EPB41L2: variants seen among roughly 807,000 people sequenced by gnomAD.
The protein encoded by EPB41L2 is erythrocyte membrane protein band 4.1 like 2.
A neutral mutation model predicts 113.0 loss-of-function variants in EPB41L2; 43 were observed. The ratio of observed to expected loss-of-function variants is 0.38; its 90% confidence interval spans 0.30 to 0.49. The LOEUF (loss-of-function observed/expected upper bound fraction) is 0.49. EPB41L2 is among the 20% of genes least tolerant of loss of function. EPB41L2 has a pLI of 0.95. For synonymous variants in EPB41L2, 442 were observed against 436.7 expected, an observed-to-expected ratio of 1.01 and a Z score of -0.15; for missense variants, 1,147 against 1,223.4, an observed-to-expected ratio of 0.94 and a Z score of 0.93.
At chr6:130,908,961 A>C (rs1798518172) in intron 4 of EPB41L2, 98 bp from the exon 5 acceptor site, 1 of 992,330 alleles carries the variant, frequency 1.0e-6, no homozygotes, top group East Asian at 2.5e-5. Context: ...AACACATTTT[A>C]ATAAAGTATT....
rs773140018 is a variant in EPB41L2, at chr6:130,955,209, C to T, written c.601G>A (p.Glu201Lys). ...KRETKEVQTN[E>K]LKAEKASQKV... is the part of the protein sequence containing the mutation. ...TGAGATGCCTTCTCTGCTTTCAGCT[C>T]ATTGGTCTGCACTTCCTTGGTCTCC... Residue 201 changes from glutamate to lysine, a missense_variant, in exon 3 of 20, where the codon GAG becomes AAG. Transcript: ENST00000337057. The T allele has an allele frequency of 6.2e-7, 1 of 1,614,156 alleles. No individual in the cohort carries two copies. Among genetic ancestry groups the T allele is most frequent in the South Asian group, 1.1e-5 (1 of 91,070 alleles).
chr6:130,839,790 T>C lies in EPB41L2; in HGVS notation c.*814A>G, dbSNP rs1032738875. 3.9e-5 allele frequency: 6 copies of C among 152,258 alleles called. No homozygotes were observed. Among genetic ancestry groups the C allele is most frequent in the Non-Finnish European group, 7.3e-5 (5 of 68,048 alleles). 9.4% of individuals were successfully genotyped at this position (152,258 alleles called of 1,614,324 possible). ...GTTTTAAGCTGCCTGAATCTTTTAG[T>C]AGAAGGGAAGAAAGTTTTCTCTTTC... On this transcript the variant is annotated 3_prime_UTR_variant, in exon 20 of 20. Transcript: ENST00000337057.
rs1775069204 is a variant in EPB41L2 at position 130,840,284 on chromosome 6, T to C, written c.*320A>G. ...ACTGTCATTTGATCAAAGTGAGTCA[T>C]TAAAAGCAGGTAGTTGCACACAAAG... On this transcript the variant is annotated 3_prime_UTR_variant, in exon 20 of 20. Coordinates refer to ENST00000337057, the MANE Select transcript of EPB41L2 (RefSeq NM_001431.4). The C allele has an allele frequency of 6.6e-6, 1 of 152,546 alleles. No homozygotes were observed. 9.4% of individuals were successfully genotyped at this position (152,546 alleles called of 1,614,324 possible). A position where few individuals can be genotyped will look rare whatever the true frequency, so the allele number is the denominator to read the frequency against.
chr6:130,911,933 G>A lies in EPB41L2; in HGVS notation c.811-3070C>T, dbSNP rs117588855. The stretch of plus-strand genomic sequence containing the variant: ...CCCATCCCACGGACTGGTACCGATC[G>A]TGGCCTATTAGGAACTGGGCTGCAC... On this transcript the variant is annotated intron_variant, in intron 4 of 19. Transcript: ENST00000337057. 7.2e-3 allele frequency among the ~76,000 whole-genome samples: 1,097 copies of A among 152,174 alleles called. 12 individuals are homozygous for A. The highest frequency in any genetic ancestry group is 0.025 in the Admixed American group (379 of 15,284).
At chr6:130,990,959 T>C (rs1781717701) in intron 1 of EPB41L2, among the ~76,000 whole-genome samples, 1 of 151,944 alleles carries the variant, frequency 6.6e-6, no homozygotes, top group Admixed American at 6.6e-5. Flanking sequence ...CCCAAGTAGC[T>C]GGGACTACAG....
At position 131,032,935 on chromosome 6, in the gene EPB41L2, G is replaced by A. The variant is rs536549144; in HGVS notation, c.-15+30220C>T. On this transcript the variant is annotated intron_variant, in intron 1 of 19. Transcript: ENST00000337057. ...ATCCCAGCACTTTGGGAGTGCAGTG[G>A]CACAATCTCAGCTTACTGCAACCTC... 3.3e-5 allele frequency among the ~76,000 whole-genome samples: 5 copies of A among 152,300 alleles called. No individual in the cohort carries two copies. In the South Asian group the frequency reaches 8.3e-4, roughly 25 times the overall value.
intron 2 of EPB41L2, 108 bp downstream of exon 2, chr6:130,955,886 A>AT (rs1161824596): frequency 3.3e-6 from 5 of 1,497,916 alleles, no homozygotes; most frequent in Non-Finnish European, 4.4e-6. Context: ...AAGCTAAAGC[A>AT]GTATCTCAGT....
chr6:130,999,033 T>C (rs1354494975), intron 1 of EPB41L2, among the ~76,000 whole-genome samples: 4 of 152,098 alleles, frequency 2.6e-5, no homozygotes, highest in Non-Finnish European at 4.4e-5. Flanking sequence ...CCAGGCTCAA[T>C]CCTCAAGCCT....
intron 12 of EPB41L2, among the ~76,000 whole-genome samples, chr6:130,884,597 T>C (rs1353419884): frequency 6.6e-6 from 1 of 152,226 alleles, no homozygotes; most frequent in African/African-American, 2.4e-5. Context: ...ACGCACAAGA[T>C]AAAGCCAAAA....
chr6:130,954,036 CTTTCTTTTTTTTTTTT>C lies in EPB41L2; in HGVS notation c.705+1053_705+1068del, dbSNP rs1478768636. Among the ~76,000 whole-genome samples the C allele has an allele frequency of 2.4e-3, 107 of 45,522 alleles. 1 individual carries two copies. Among genetic ancestry groups the C allele is most frequent in the African/African-American group, 5.8e-3 (100 of 17,178 alleles). 29.9% of individuals were successfully genotyped at this position (45,522 alleles called of 152,430 possible). Reference sequence around the variant, plus strand: ...TTAATCCTCTTTTGCTAGTCCTTTTCTTTCTTTTTTTTTTTTTTTTTTTTTTTTTTTTTTGAGACGG... The same window carrying C: ...TTAATCCTCTTTTGCTAGTCCTTTTCTTTTTTTTTTTTTTTTTTGAGACGG... On this transcript the variant is annotated intron_variant, in intron 3 of 19. Transcript: ENST00000337057.
intron 5 of EPB41L2, 109 bp downstream of exon 5, chr6:130,908,711 TA>T: frequency 1.3e-6 from 1 of 763,932 alleles, no homozygotes; most frequent in Non-Finnish European, 2.1e-6. Flanking sequence ...TATTAACTTC[TA>T]AGATGGCATA....
intron 17 of EPB41L2, among the ~76,000 whole-genome samples, chr6:130,864,391 AC>A (rs1407056362): frequency 1.3e-5 from 2 of 152,234 alleles, no homozygotes. Flanking sequence ...ATTTGATGAC[AC>A]CCTGCGTAAG....
At chr6:131,059,073 A>G (rs944067267) in intron 1 of EPB41L2, among the ~76,000 whole-genome samples, 1 of 147,136 alleles carries the variant, frequency 6.8e-6, no homozygotes, top group Non-Finnish European at 1.5e-5. Flanking sequence ...CTAGATGATA[A>G]CTGAGATTAT....
intron 4 of EPB41L2, among the ~76,000 whole-genome samples, chr6:130,919,051 T>C (rs944619512): frequency 2.0e-5 from 3 of 152,216 alleles, no homozygotes; most frequent in African/African-American, 7.2e-5. Flanking sequence ...ATAAAAGTTA[T>C]AGCAAATCAG....
chr6:131,000,497 G>T (rs1461647181), intron 1 of EPB41L2: 2 of 152,132 alleles, frequency 1.3e-5, no homozygotes, highest in Non-Finnish European at 2.9e-5. Flanking sequence ...TACATCAACG[G>T]GTTAATGGCA....
chr6:130,845,339 T>A (rs911076041), intron 19 of EPB41L2, among the ~76,000 whole-genome samples: 9 of 152,024 alleles, frequency 5.9e-5, no homozygotes. Context: ...TCAGCCTACA[T>A]AAGTCGAAGC....
intron 1 of EPB41L2, among the ~76,000 whole-genome samples, chr6:131,038,090 T>C (rs985449543): frequency 1.1e-4 from 16 of 152,184 alleles, no homozygotes; most frequent in Admixed American, 9.8e-4. Flanking sequence ...TTTTTATTTT[T>C]AATGTATTTC....
chr6:130,986,651 T>A (rs1353481804), intron 1 of EPB41L2, among the ~76,000 whole-genome samples: 6 of 151,578 alleles, frequency 4.0e-5, no homozygotes, highest in Non-Finnish European at 7.4e-5. Flanking sequence ...AGTGGCACGA[T>A]CTTGGCTCAC....
chr6:130,973,235 G>A (rs2128661042), intron 1 of EPB41L2, among the ~76,000 whole-genome samples: 1 of 151,352 alleles, frequency 6.6e-6, no homozygotes, highest in Non-Finnish European at 1.5e-5. Flanking sequence ...CACCTCTGAA[G>A]AGATATTCAT....
Sources: gnomAD v4.1 joint callset for allele counts (sites outside exome capture counted in the v4.1 genomes callset) on GRCh38, gnomAD v4.1.1 for gene constraint, MANE v1.5 for transcripts, NCBI Gene and HGNC (gene_info 2026-07-23, HGNC 2026-07-21) for gene names.